Variants in GRIK2 observed in about 807,000 individuals in gnomAD.
GRIK2 encodes glutamate receptor ionotropic, kainate 2.
Under a neutral mutation model 100.3 loss-of-function variants are expected in GRIK2, and 32 were observed. The observed-to-expected ratio is 0.32, with a 90% CI of 0.24 to 0.43. The LOEUF is 0.43. Among genes scored for constraint, GRIK2 ranks in the 20% least tolerant of loss-of-function variants. GRIK2 has a pLI of 1.00. For missense variants in GRIK2, 843 were observed against 1,114.9 expected, an observed-to-expected ratio of 0.76 and a Z score of 3.47; for synonymous variants, 417 against 389.4, an observed-to-expected ratio of 1.07 and a Z score of -0.83.
intron 14 of GRIK2, among the ~76,000 whole-genome samples, chr6:102,006,940 A>G (rs1426532997): frequency 6.6e-6 from 1 of 152,104 alleles, no homozygotes; most frequent in Non-Finnish European, 1.5e-5. Flanking sequence ...ATTAATATTA[A>G]TTTTGTTGAA....
intron 7 of GRIK2, among the ~76,000 whole-genome samples, chr6:101,782,288 G>T (rs1045329211): frequency 6.6e-6 from 1 of 151,954 alleles, no homozygotes. Context: ...TCAAATATTA[G>T]AACTTATTTC....
intron 10 of GRIK2, among the ~76,000 whole-genome samples, chr6:101,854,118 G>A (rs960921813): frequency 3.3e-5 from 5 of 152,174 alleles, no homozygotes; most frequent in Non-Finnish European, 7.3e-5. Context: ...ATGTTCGTCT[G>A]TTGTGAACAT....
At chr6:101,882,818 C>T (rs939197348) in intron 11 of GRIK2, among the ~76,000 whole-genome samples, 3 of 151,942 alleles carry the variant, frequency 2.0e-5, no homozygotes, top group Non-Finnish European at 4.4e-5. Context: ...TTTAAACTTA[C>T]GTAGCTTTAA....
At chr6:101,954,904 A>G (rs1283161732) in intron 14 of GRIK2, among the ~76,000 whole-genome samples, 2 of 152,118 alleles carry the variant, frequency 1.3e-5, no homozygotes, top group African/African-American at 2.4e-5. Flanking sequence ...GTGCTTTTCA[A>G]TCACTCCAGA....
chr6:101,690,497 C>T (rs192208906), intron 7 of GRIK2, among the ~76,000 whole-genome samples: 118 of 152,230 alleles, frequency 7.8e-4, no homozygotes, highest in Non-Finnish European at 1.4e-3. Context: ...TGATCATTCC[C>T]TGGCTTTCCT....
chr6:101,733,609 TTC>T (rs752665961), intron 7 of GRIK2, among the ~76,000 whole-genome samples: 1 of 151,618 alleles, frequency 6.6e-6, no homozygotes. Context: ...AGAACAAGCT[TTC>T]TCTCTCTCTC....
chr6:102,068,708 A>G lies in GRIK2; in HGVS notation c.*197A>G. On this transcript the variant is annotated 3_prime_UTR_variant, in exon 17 of 17. Transcript: ENST00000369134. ...ATTTACAAGCATCATGGATCAACCA[A>G]GTTACACGGGGTTACACTGTTAATC... 5.6e-6 allele frequency: 3 copies of G among 536,400 alleles called. No homozygotes were observed. Among genetic ancestry groups the G allele is most frequent in the Non-Finnish European group, 6.7e-6 (2 of 299,888 alleles). The allele number at this position is 536,400 out of a possible 1,614,324, so 33.2% of individuals were successfully genotyped here.
intron 14 of GRIK2, among the ~76,000 whole-genome samples, chr6:101,965,514 A>G (rs768955074): frequency 1.3e-5 from 2 of 151,602 alleles, no homozygotes; most frequent in Non-Finnish European, 2.9e-5. Flanking sequence ...ATACCTCTGT[A>G]AAATGTTTCA....
chr6:101,963,509 C>CTTTT (rs770178884), intron 14 of GRIK2, among the ~76,000 whole-genome samples: 3,511 of 105,910 alleles, frequency 0.033, 136 homozygotes, highest in African/African-American at 0.085. Context: ...TTCTTTCTTT[C>CTTTT]TTTTTTTTTT....
chr6:101,974,287 G>A (rs1793234806), intron 14 of GRIK2, among the ~76,000 whole-genome samples: 2 of 151,894 alleles, frequency 1.3e-5, no homozygotes, highest in Admixed American at 1.3e-4. Flanking sequence ...TACTATGTCT[G>A]CCAGAAAATG....
At chr6:101,594,538 T>C (rs1778818110) in intron 2 of GRIK2, among the ~76,000 whole-genome samples, 1 of 151,826 alleles carries the variant, frequency 6.6e-6, no homozygotes, top group African/African-American at 2.4e-5. Context: ...GAAAAAGTTG[T>C]ATTTTACTTG....
At chr6:101,699,067 G>C (rs1001692644) in intron 7 of GRIK2, among the ~76,000 whole-genome samples, 1 of 152,100 alleles carries the variant, frequency 6.6e-6, no homozygotes, top group African/African-American at 2.4e-5. Flanking sequence ...TTCATTGTAA[G>C]ATGCTCAGCA....
chr6:101,667,667 A>G (rs992693326), intron 4 of GRIK2, among the ~76,000 whole-genome samples: 7 of 152,202 alleles, frequency 4.6e-5, no homozygotes, highest in African/African-American at 1.7e-4. Context: ...CATAGTGCCT[A>G]GAATGTATCA....
At chr6:101,993,484 A>G (rs149219148) in intron 14 of GRIK2, 8 of 151,478 alleles carry the variant, frequency 5.3e-5, no homozygotes, top group African/African-American at 9.6e-5. Context: ...ACTATAGAAG[A>G]TTCAAAGATG....
chr6:101,693,448 A>G (rs920372350), intron 7 of GRIK2, among the ~76,000 whole-genome samples: 1 of 151,750 alleles, frequency 6.6e-6, no homozygotes, highest in African/African-American at 2.4e-5. Context: ...AAAAAAAAAA[A>G]CTTTACCTGT....
At chr6:101,417,322 C>A (rs955258664) in intron 2 of GRIK2, among the ~76,000 whole-genome samples, 7 of 152,118 alleles carry the variant, frequency 4.6e-5, no homozygotes, top group Admixed American at 6.5e-5. Context: ...CACAGCCAAA[C>A]CATATCAGTG....
intron 10 of GRIK2, among the ~76,000 whole-genome samples, chr6:101,854,961 G>A (rs1784347578): frequency 6.6e-6 from 1 of 152,058 alleles, no homozygotes; most frequent in Admixed American, 6.5e-5. Flanking sequence ...TCTTTAGATA[G>A]AACCAAAGGA....
intron 9 of GRIK2, among the ~76,000 whole-genome samples, chr6:101,803,087 G>T (rs1041105515): frequency 6.6e-6 from 1 of 151,658 alleles, no homozygotes; most frequent in African/African-American, 2.4e-5. Flanking sequence ...TAATTGACAA[G>T]AGATATTAAA....
chr6:102,001,802 T>C (rs1794955909), intron 14 of GRIK2, among the ~76,000 whole-genome samples: 1 of 152,000 alleles, frequency 6.6e-6, no homozygotes, highest in Admixed American at 6.6e-5. Flanking sequence ...CAGAATGCTT[T>C]TAAATTTCTC....
Sources: gnomAD v4.1 joint callset for allele counts (sites outside exome capture counted in the v4.1 genomes callset) on GRCh38, gnomAD v4.1.1 for gene constraint, MANE v1.5 for transcripts, NCBI Gene and HGNC (gene_info 2026-07-23, HGNC 2026-07-21) for gene names.